MAGI1: variants seen among roughly 807,000 people sequenced by gnomAD.
MAGI1 encodes membrane-associated guanylate kinase, WW and PDZ domain-containing protein 1.
Under a neutral mutation model 139.9 loss-of-function variants are expected in MAGI1, and 58 were observed. The ratio of observed to expected loss-of-function variants is 0.41; its 90% confidence interval spans 0.34 to 0.52. The LOEUF is 0.52. MAGI1 is among the 20% of genes least tolerant of loss of function. MAGI1 has a pLI of 0.12. For missense variants in MAGI1, 1,874 were observed against 1,901.6 expected, an observed-to-expected ratio of 0.99 and a Z score of 0.27; for synonymous variants, 812 against 737.9, an observed-to-expected ratio of 1.10 and a Z score of -1.63.
At chr3:65,537,979 A>T (rs2079037380) in intron 2 of MAGI1, among the ~76,000 whole-genome samples, 1 of 152,018 alleles carries the variant, frequency 6.6e-6, no homozygotes, top group African/African-American at 2.4e-5. Flanking sequence ...TTAATAAAAA[A>T]ATAAAAATCA....
rs145324094 is a variant in MAGI1, at chr3:65,502,617, G to A, written c.431-8986C>T. Among the ~76,000 whole-genome samples, 104 of 152,268 alleles carry A rather than the reference G, an allele frequency of 6.8e-4. 3 individuals are homozygous for A. In the East Asian group the frequency reaches 8.7e-3, roughly 13 times the overall value. On this transcript the variant is annotated intron_variant, in intron 2 of 22. Transcript: ENST00000402939. The stretch of plus-strand genomic sequence containing the variant: ...GAGAGGACCCTCTTCTTGATTTTCA[G>A]ACAGCTGCCTTTTTGCTGTATCTTC...
chr3:66,026,825 G>A (rs186082549), intron 1 of MAGI1, among the ~76,000 whole-genome samples: 2 of 137,842 alleles, frequency 1.5e-5, no homozygotes, highest in East Asian at 2.4e-4. Context: ...TTTATTTATC[G>A]GACTATCTTC....
intron 3 of MAGI1, among the ~76,000 whole-genome samples, chr3:65,488,233 T>G (rs9832589): frequency 7.2e-5 from 11 of 152,216 alleles, no homozygotes; most frequent in Admixed American, 7.2e-4. Flanking sequence ...CACAGTCCTC[T>G]CATAGCTTCG....
intron 2 of MAGI1, among the ~76,000 whole-genome samples, chr3:65,526,825 T>A (rs772745601): frequency 6.6e-6 from 1 of 152,064 alleles, no homozygotes; most frequent in Non-Finnish European, 1.5e-5. Context: ...CTCTAATAGT[T>A]AAAAAATTAA....
At chr3:65,870,236 T>A (rs2059892581) in intron 1 of MAGI1, among the ~76,000 whole-genome samples, 1 of 152,136 alleles carries the variant, frequency 6.6e-6, no homozygotes, top group African/African-American at 2.4e-5. Context: ...AGATACTTTT[T>A]TTTTTTTTAA....
In MAGI1 at chr3:66,006,832, TTTTGTTTTG is replaced by T. The variant is rs201392440; in HGVS notation, c.313+31155_313+31163del. ...TTTTGTTTTGTTTTGTTTTGTTTTG[TTTTGTTTTG>T]TTTATTAGAGATGCAGTATCACTCT... On this transcript the variant is annotated intron_variant, in intron 1 of 22. Coordinates refer to ENST00000402939, the MANE Select transcript of MAGI1 (RefSeq NM_001033057.2). 6.5e-3 allele frequency among the ~76,000 whole-genome samples: 991 copies of T among 151,420 alleles called. 15 individuals carry two copies. The highest frequency in any genetic ancestry group is 0.023 in the African/African-American group (939 of 40,928).
intron 1 of MAGI1, among the ~76,000 whole-genome samples, chr3:65,979,781 G>A (rs547333365): frequency 1.3e-3 from 196 of 152,264 alleles, no homozygotes; most frequent in African/African-American, 4.6e-3. Context: ...TTACTCCAGT[G>A]TCGGGCTGCA....
intron 1 of MAGI1, among the ~76,000 whole-genome samples, chr3:65,690,036 G>C (rs1246619910): frequency 6.6e-6 from 1 of 152,120 alleles, no homozygotes; most frequent in Non-Finnish European, 1.5e-5. Flanking sequence ...CTTGGCACAA[G>C]AGCTGCACAC....
intron 1 of MAGI1, among the ~76,000 whole-genome samples, chr3:65,920,516 C>T (rs1422839648): frequency 6.6e-6 from 1 of 152,106 alleles, no homozygotes; most frequent in Non-Finnish European, 1.5e-5. Flanking sequence ...ATTCAATCAC[C>T]TCAAGGCATT....
At chr3:65,390,921 T>G (rs1187152094) in intron 14 of MAGI1, among the ~76,000 whole-genome samples, 1 of 152,208 alleles carries the variant, frequency 6.6e-6, no homozygotes, top group African/African-American at 2.4e-5. Context: ...AGGGCATTTA[T>G]GTGATAACCA....
At chr3:65,431,327 A>G (rs1044008445) in intron 10 of MAGI1, among the ~76,000 whole-genome samples, 1 of 152,192 alleles carries the variant, frequency 6.6e-6, no homozygotes. Flanking sequence ...CAACAGAACT[A>G]ATCAAACGGA....
chr3:65,501,183 T>TA (rs1201830773), intron 2 of MAGI1, among the ~76,000 whole-genome samples: 2 of 151,900 alleles, frequency 1.3e-5, no homozygotes, highest in South Asian at 2.1e-4. Context: ...AAACTGCTTT[T>TA]AAAAAAAATT....
At chr3:65,532,644 A>G (rs577846789) in intron 2 of MAGI1, 18 of 152,366 alleles carry the variant, frequency 1.2e-4, no homozygotes, top group African/African-American at 4.3e-4. Context: ...GAAAAATGCA[A>G]TTAACAAGAG....
chr3:65,523,571 C>T (rs573321794), intron 2 of MAGI1, among the ~76,000 whole-genome samples: 1 of 152,154 alleles, frequency 6.6e-6, no homozygotes, highest in Non-Finnish European at 1.5e-5. Context: ...TCCCACTAGT[C>T]TCTGTTTCAC....
At chr3:65,692,715 A>C (rs73832914) in intron 1 of MAGI1, among the ~76,000 whole-genome samples, 2,519 of 152,184 alleles carry the variant, frequency 0.017, 81 homozygotes, top group African/African-American at 0.058. Flanking sequence ...TGAATGAATG[A>C]ATGCATGGGT....
At chr3:65,389,269 C>T (rs1410361018) in intron 14 of MAGI1, among the ~76,000 whole-genome samples, 1 of 151,986 alleles carries the variant, frequency 6.6e-6, no homozygotes, top group Non-Finnish European at 1.5e-5. Context: ...TTGATTAAGT[C>T]AAATTCTTAA....
At chr3:65,438,867 G>C (rs1160394446) in intron 9 of MAGI1, among the ~76,000 whole-genome samples, 2 of 152,152 alleles carry the variant, frequency 1.3e-5, no homozygotes, top group Admixed American at 6.5e-5. Flanking sequence ...TACTACAATG[G>C]CTGAGGTGAG....
intron 1 of MAGI1, among the ~76,000 whole-genome samples, chr3:65,952,302 G>A (rs949127264): frequency 2.6e-5 from 4 of 152,122 alleles, no homozygotes; most frequent in South Asian, 4.1e-4. Context: ...TCAATTTGGT[G>A]TTCATGACTC....
chr3:65,952,904 GACAA>G (rs1560049490), intron 1 of MAGI1, among the ~76,000 whole-genome samples: 1 of 152,168 alleles, frequency 6.6e-6, no homozygotes, highest in Admixed American at 6.5e-5. Flanking sequence ...TGTTTGTCTT[GACAA>G]ACACTTTCAT....
Sources: gnomAD v4.1 joint callset for allele counts (sites outside exome capture counted in the v4.1 genomes callset) on GRCh38, gnomAD v4.1.1 for gene constraint, MANE v1.5 for transcripts, NCBI Gene and HGNC (gene_info 2026-07-23, HGNC 2026-07-21) for gene names.